Variants in FCSK observed in about 807,000 individuals in gnomAD.
FCSK encodes fucose kinase, also known as L-fucose kinase.
In FCSK, 123 loss-of-function variants were observed where a neutral mutation model predicts 122.5. The ratio of observed to expected loss-of-function variants is 1.00; its 90% CI spans 0.87 to 1.17. FCSK has a LOEUF of 1.17. Ranked by LOEUF, FCSK falls within the 50% of genes most tolerant of loss-of-function variation. The probability of loss-of-function intolerance (pLI) is 0.00; values close to 1 mark genes in which losing one functional copy is unlikely to be tolerated. For missense variants in FCSK, 1,366 were observed against 1,450.4 expected (o/e 0.94, Z 0.95); for synonymous variants, 620 against 625.5 (o/e 0.99, Z 0.13).
At chr16:70,467,720 C>T (rs1052139431) in intron 7 of FCSK, 166 bp from the exon 8 acceptor site, 4 of 661,484 alleles carry the variant, frequency 6.0e-6, no homozygotes, top group Non-Finnish European at 1.1e-5. Context: ...CTGCCCTCTG[C>T]CATCATGGAG....
rs199754901 is a variant in FCSK, at chr16:70,474,875, C to T, written c.2241C>T (p.Pro747=). 1.9e-6 allele frequency: 3 copies of T among 1,602,092 alleles called. No individual in the cohort carries two copies. The highest frequency in any genetic ancestry group is 2.7e-5 in the African/African-American group (2 of 74,882). ...GLAVRVDGRR[P]IGARARRIPE... Reference sequence around the variant, plus strand: ...CTGTGCGAGTGGACGGCCGCCGGCCCATCGGAGCCAGGGCACGCCGCATCC... The same window carrying T: ...CTGTGCGAGTGGACGGCCGCCGGCCTATCGGAGCCAGGGCACGCCGCATCC... The change falls in exon 18 of 24, where the codon CCC becomes CCT. Residue 747 remains proline, a synonymous_variant. Coordinates refer to ENST00000288078, the MANE Select transcript of FCSK (RefSeq NM_145059.3).
intron 1 of FCSK, among the ~76,000 whole-genome samples, chr16:70,460,149 C>G (rs993125089): frequency 6.7e-5 from 10 of 149,988 alleles, no homozygotes; most frequent in African/African-American, 2.5e-4. Context: ...CTCTGTCGCC[C>G]AGGCTGGAGT....
Position 70,479,408 on chromosome 16 carries a change from T to C in FCSK, c.3153+5T>C, listed in dbSNP as rs2048927352. 1.2e-6 allele frequency: 2 copies of C among 1,610,314 alleles called. No homozygotes were observed. Among genetic ancestry groups the C allele is most frequent in the Non-Finnish European group, 8.5e-7 (1 of 1,178,186 alleles). ...GCGGTGCTGGCCAAGACCGAGGTAC[T>C]GATGGGGCTGGGGTTGGTAAAGAGA... On this transcript the variant is annotated splice_donor_5th_base_variant and intron_variant, in intron 23 of 23. Transcript: ENST00000288078.
intron 11 of FCSK, 134 bp downstream of exon 11, chr16:70,470,560 T>G: frequency 1.6e-6 from 1 of 639,466 alleles, no homozygotes; most frequent in Non-Finnish European, 2.7e-6. Context: ...ACACATGAAG[T>G]GCTGGAGGCT....
chr16:70,466,536 A>T (rs1257923126), intron 5 of FCSK: 24 of 476,766 alleles, frequency 5.0e-5, no homozygotes, highest in East Asian at 2.2e-4. Context: ...CTACAAAAAA[A>T]TTTTTAAAAA....
At chr16:70,472,937 G>A (rs751825731) in intron 14 of FCSK, 46 bp from the exon 15 acceptor site, 4 of 1,559,812 alleles carry the variant, frequency 2.6e-6, no homozygotes, top group South Asian at 2.4e-5. Flanking sequence ...GGAAGAGACT[G>A]GAGCTTTTGC....
At chr16:70,469,355 G>A in intron 10 of FCSK, 32 bp downstream of exon 10, 1 of 1,541,504 alleles carries the variant, frequency 6.5e-7, no homozygotes, top group Non-Finnish European at 8.7e-7. Flanking sequence ...CCTGGGGTGG[G>A]GAGACCATGG....
intron 20 of FCSK, among the ~76,000 whole-genome samples, chr16:70,477,175 G>C (rs898818696): frequency 1.3e-5 from 2 of 152,090 alleles, no homozygotes; most frequent in Admixed American, 1.3e-4. Flanking sequence ...CTCAAGTTTT[G>C]TTATTTTTAA....
Position 70,474,152 on chromosome 16 carries a change from G to C in FCSK, c.1801G>C (p.Gly601Arg), listed in dbSNP as rs771178511. ...AGTTGCAGCTGGGGCAGGAGACCCTGGTGTGGCGGCACGGGCACTGGCCTG... is the reference window on the plus strand; with the variant it reads ...AGTTGCAGCTGGGGCAGGAGACCCTCGTGTGGCGGCACGGGCACTGGCCTG... ...DQVAAGAGDP[G>R]VAARALACVA... The change falls in exon 16 of 24, where the codon GGT (glycine) becomes CGT (arginine). Residue 601 changes from glycine to arginine, a missense_variant. Physicochemically the swap from Gly to Arg is moderately radical, Grantham distance 125. Transcript: ENST00000288078. 1.3e-6 allele frequency: 2 copies of C among 1,552,866 alleles called. No individual in the cohort carries two copies. Among genetic ancestry groups the C allele is most frequent in the Non-Finnish European group, 8.7e-7 (1 of 1,148,454 alleles).
At chr16:70,477,471 C>G (rs1266268217) in intron 20 of FCSK, 1 of 152,198 alleles carries the variant, frequency 6.6e-6, no homozygotes, top group Non-Finnish European at 1.5e-5. Context: ...CGTGAGCCAC[C>G]ATGCCCGGAC....
chr16:70,473,402 C>G lies in FCSK; in HGVS notation c.1777+49C>G, dbSNP rs1460002402. On this transcript the variant is annotated intron_variant, in intron 15 of 23. Transcript: ENST00000288078. This position sits in a 1 kb window ranked among gnomAD's most constrained non-coding sequence, Gnocchi z 4.9. Reference sequence around the variant, plus strand: ...TGCAGAATCAGGCCAGGGGCACCTGCCCTCCCTGTCCTCTGGGCCATCCCC... The same window carrying G: ...TGCAGAATCAGGCCAGGGGCACCTGGCCTCCCTGTCCTCTGGGCCATCCCC... The G allele has an allele frequency of 6.2e-6, 9 of 1,450,740 alleles. No individual in the cohort carries two copies. The highest frequency in any genetic ancestry group is 7.3e-6 in the Non-Finnish European group (8 of 1,097,638). 89.9% of individuals were successfully genotyped at this position (1,450,740 alleles called of 1,614,324 possible).
rs1466345211 is a variant in FCSK, at chr16:70,474,851, T to C, written c.2217T>C (p.Ala739=). The C allele has an allele frequency of 1.9e-6, 3 of 1,597,336 alleles. No homozygotes were observed. In the African/African-American group the frequency reaches 4.0e-5, roughly 21 times the overall value. Residue 739 remains alanine, a synonymous_variant, in exon 18 of 24, where the codon GCT becomes GCC. Coordinates refer to ENST00000288078, the MANE Select transcript of FCSK (RefSeq NM_145059.3). ...YELGGAVLGL[A]VRVDGRRPIG... is the part of the protein sequence containing the mutation. ...TTGGCGGGGCTGTGCTGGGCCTGGC[T>C]GTGCGAGTGGACGGCCGCCGGCCCA...
chr16:70,464,939 T>C lies in FCSK; in HGVS notation c.235-187T>C, dbSNP rs2048371488. 3 of 1,311,692 alleles carry C rather than the reference T, an allele frequency of 2.3e-6. No individual in the cohort carries two copies. The South Asian group carries it at 4.3e-5, about 19-fold the overall frequency. 81.3% of individuals were successfully genotyped at this position (1,311,692 alleles called of 1,614,324 possible). On this transcript the variant is annotated intron_variant, in intron 3 of 23. Transcript: ENST00000288078. ...AGAAGGTGGCCCAGGTGGAGGGCCC[T>C]GGGATCCCTTATCCAGGAGGGACCA...
At chr16:70,470,897 G>A in intron 11 of FCSK, 74 bp from the exon 12 acceptor site, 1 of 1,353,674 alleles carries the variant, frequency 7.4e-7, no homozygotes, top group Non-Finnish European at 1.0e-6. Flanking sequence ...GCCCCTGGAT[G>A]CTTGGCTTGG....
intron 16 of FCSK, 46 bp from the exon 17 acceptor site, chr16:70,474,471 GCAATCTGCCCC>G (rs1211338627): frequency 1.3e-6 from 2 of 1,546,262 alleles, no homozygotes. Flanking sequence ...CCAAAGCCAG[GCAATCTGCCCC>G]CAGCTTGGGG....
Position 70,467,928 on chromosome 16 carries a change from A to G in FCSK, c.625A>G (p.Ile209Val), listed in dbSNP as rs748982064. The G allele has an allele frequency of 1.3e-5, 21 of 1,614,044 alleles. No individual in the cohort carries two copies. Among genetic ancestry groups the G allele is most frequent in the African/African-American group, 2.7e-5 (2 of 74,914 alleles). The change falls in exon 8 of 24, where the codon ATT becomes GTT. Residue 209 changes from isoleucine to valine, a missense_variant. Ile to Val is a conservative substitution (Grantham distance 29, BLOSUM62 3). Coordinates refer to ENST00000288078, the MANE Select transcript of FCSK (RefSeq NM_145059.3). ...TTACTACCAGGGCACTGAGGCAGAG[A>G]TTCAGCGGTGTGTCAGGCCTGATGG... ...DIYYQGTEAE[I>V]QRCVRPDGRV... is the part of the protein sequence containing the mutation.
intron 1 of FCSK, chr16:70,457,937 A>G (rs1399777570): frequency 2.0e-5 from 3 of 151,784 alleles, no homozygotes; most frequent in African/African-American, 4.8e-5. Flanking sequence ...ACCAGATATC[A>G]TTATCACTAT....
chr16:70,475,284 GGGTGGGT>G, intron 18 of FCSK, 59 bp from the exon 19 acceptor site: 1 of 1,576,916 alleles, frequency 6.3e-7, no homozygotes, highest in Non-Finnish European at 8.6e-7. Flanking sequence ...GGGAAGTCCA[GGGTGGGT>G]GGGTGCCTGC....
rs1357592599 is a variant in FCSK, at chr16:70,470,999, C to T, written c.1097C>T (p.Ser366Phe). Reference sequence around the variant, plus strand: ...CAGCAGCTTCTGGCGGCCGGGAGCTCTGTGGTCAGCTGCCTGCTGGAGGGC... The same window carrying T: ...CAGCAGCTTCTGGCGGCCGGGAGCTTTGTGGTCAGCTGCCTGCTGGAGGGC... ...EEQQLLAAGS[S>F]VVSCLLEGPV... Residue 366 changes from serine (S) to phenylalanine (F), a missense_variant, in exon 12 of 24, where the codon TCT (serine) becomes TTT (phenylalanine). By Grantham distance (155) the Ser-to-Phe change is radical. Transcript: ENST00000288078. The T allele has an allele frequency of 1.3e-6, 2 of 1,598,948 alleles. No individual in the cohort carries two copies. The highest frequency in any genetic ancestry group is 1.7e-6 in the Non-Finnish European group (2 of 1,174,840).
Sources: allele counts gnomAD v4.1 joint callset (sites outside exome capture counted in the v4.1 genomes callset), GRCh38; gene constraint gnomAD v4.1.1; non-coding constraint Gnocchi (gnomAD v3.1); transcripts MANE v1.5; gene names NCBI Gene and HGNC (gene_info 2026-07-23, HGNC 2026-07-21).